Variants in ZC3HAV1 observed in about 807,000 individuals in gnomAD.
The protein encoded by ZC3HAV1 is zinc finger CCCH-type containing, antiviral 1, also known as zinc finger CCCH-type antiviral protein 1.
ZC3HAV1 carries 41 observed loss-of-function variants against 86.6 expected under a neutral mutation model. The observed-to-expected ratio is 0.47, with a 90% confidence interval of 0.37 to 0.61. The LOEUF is 0.61. ZC3HAV1 is among the 20% of genes least tolerant of loss of function. The probability of loss-of-function intolerance (pLI) is 0.00; values close to 1 mark genes in which losing one functional copy is unlikely to be tolerated. For missense variants in ZC3HAV1, 964 were observed against 1,141.1 expected (o/e 0.84, Z 2.24); for synonymous variants, 421 against 432.1 (o/e 0.97, Z 0.32).
intron 3 of ZC3HAV1, among the ~76,000 whole-genome samples, chr7:139,080,819 A>C (rs981684377): frequency 6.6e-6 from 1 of 152,314 alleles, no homozygotes; most frequent in Non-Finnish European, 1.5e-5. Context: ...CAAATCAGAG[A>C]AGATTTTCCA....
At chr7:139,082,150 A>AGCTACT (rs529335262) in intron 3 of ZC3HAV1, among the ~76,000 whole-genome samples, 2 of 152,120 alleles carry the variant, frequency 1.3e-5, no homozygotes, top group Non-Finnish European at 2.9e-5. Context: ...CTGTAATCCC[A>AGCTACT]GCTACTTGGG....
chr7:139,051,602 A>G (rs937143989), intron 12 of ZC3HAV1, among the ~76,000 whole-genome samples: 1 of 152,028 alleles, frequency 6.6e-6, no homozygotes, highest in African/African-American at 2.4e-5. Flanking sequence ...AATTAAAACA[A>G]AAAATTAGAT....
chr7:139,069,937 C>T (rs1816720559), intron 7 of ZC3HAV1, among the ~76,000 whole-genome samples: 1 of 152,142 alleles, frequency 6.6e-6, no homozygotes, highest in African/African-American at 2.4e-5. Flanking sequence ...TGGCTCAAGG[C>T]AGGTCACCAA....
intron 10 of ZC3HAV1, 32 bp downstream of exon 10, chr7:139,055,171 CAG>C: frequency 1.9e-6 from 3 of 1,567,042 alleles, no homozygotes; most frequent in Non-Finnish European, 2.6e-6. Flanking sequence ...TAACTTTTAA[CAG>C]ACTCATCCAC....
At position 139,047,489 on chromosome 7, in the gene ZC3HAV1, T is replaced by C; in HGVS notation, c.*105A>G. On this transcript the variant is annotated 3_prime_UTR_variant, in exon 13 of 13. Transcript: ENST00000242351. ...GGGACCACTGATCTAAGACATTAGATAACTGAGCAGGAAAATATAAAACTT... is the reference window on the plus strand; with the variant it reads ...GGGACCACTGATCTAAGACATTAGACAACTGAGCAGGAAAATATAAAACTT... 6.6e-7 allele frequency: 1 copy of C among 1,512,104 alleles called. No individual in the cohort carries two copies. The highest frequency in any genetic ancestry group is 9.0e-7 in the Non-Finnish European group (1 of 1,114,078). The allele number at this position is 1,512,104 out of a possible 1,614,324, so 93.7% of individuals were successfully genotyped here. A position where few individuals can be genotyped will look rare whatever the true frequency, so the allele number is the denominator to read the frequency against.
In ZC3HAV1 at chr7:139,109,313, A is replaced by G; in HGVS notation, c.19T>C (p.Cys7Arg). 6.2e-7 allele frequency: 1 copy of G among 1,601,382 alleles called. No homozygotes were observed. The highest frequency in any genetic ancestry group is 8.5e-7 in the Non-Finnish European group (1 of 1,173,680). Residue 7 changes from cysteine to arginine, a missense_variant, in exon 1 of 13, where the codon TGC (cysteine) becomes CGC (arginine). Cys to Arg is a radical substitution (Grantham distance 180). Coordinates refer to ENST00000242351, the MANE Select transcript of ZC3HAV1 (RefSeq NM_020119.4). Reference sequence around the variant, plus strand: ...CACAGGATTTTGGTGATGAAGCAGCACACCTCCGGGTCCGCCATGGCGCGC... The same window carrying G: ...CACAGGATTTTGGTGATGAAGCAGCGCACCTCCGGGTCCGCCATGGCGCGC... The part of the protein sequence containing the change: MADPEV[C>R]CFITKILCAH...
At chr7:139,069,045 T>G (rs1405866564) in intron 7 of ZC3HAV1, among the ~76,000 whole-genome samples, 1 of 152,202 alleles carries the variant, frequency 6.6e-6, no homozygotes, top group Non-Finnish European at 1.5e-5. Flanking sequence ...GCTACTCTTG[T>G]AAGGATAAGT....
intron 1 of ZC3HAV1, among the ~76,000 whole-genome samples, chr7:139,101,307 G>A (rs554909300): frequency 3.4e-5 from 5 of 145,486 alleles, no homozygotes; most frequent in African/African-American, 1.3e-4. Context: ...GCCGCCCATC[G>A]TCTGGGATGT....
Position 139,109,364 on chromosome 7 carries a change from C to A in ZC3HAV1, c.-33G>T. 6.5e-7 allele frequency: 1 copy of A among 1,529,104 alleles called. No homozygotes were observed. Among genetic ancestry groups the A allele is most frequent in the Non-Finnish European group, 8.8e-7 (1 of 1,139,516 alleles). The allele number at this position is 1,529,104 out of a possible 1,614,324, so 94.7% of individuals were successfully genotyped here. A position where few individuals can be genotyped will look rare whatever the true frequency, so the allele number is the denominator to read the frequency against. The stretch of plus-strand genomic sequence containing the variant: ...TGGCTGTGCTGGCTCTGCCGCGGCG[C>A]GGGACTCGGTTCCGCGGAAATCGGA... On this transcript the variant is annotated 5_prime_UTR_variant, in exon 1 of 13. Transcript: ENST00000242351.
intron 6 of ZC3HAV1, among the ~76,000 whole-genome samples, chr7:139,075,461 C>T (rs1406279092): frequency 6.6e-6 from 1 of 152,108 alleles, no homozygotes; most frequent in East Asian, 1.9e-4. Context: ...GAGACAGGGT[C>T]TCACTCTGTC....
intron 7 of ZC3HAV1, among the ~76,000 whole-genome samples, chr7:139,070,387 G>A (rs374645535): frequency 3.3e-5 from 5 of 152,078 alleles, no homozygotes; most frequent in East Asian, 1.9e-4. Flanking sequence ...TCAGGAGGCC[G>A]GGCGCAGTGG....
At chr7:139,098,921 A>C (rs1413749575) in intron 1 of ZC3HAV1, among the ~76,000 whole-genome samples, 1 of 152,190 alleles carries the variant, frequency 6.6e-6, no homozygotes, top group Non-Finnish European at 1.5e-5. Context: ...CCTGGTTTGG[A>C]AGTAAATACA....
intron 5 of ZC3HAV1, among the ~76,000 whole-genome samples, chr7:139,077,397 C>T (rs939403026): frequency 2.0e-5 from 3 of 152,178 alleles, no homozygotes; most frequent in African/African-American, 7.2e-5. Context: ...GCATGTGCCA[C>T]CACGCCCAGC....
intron 9 of ZC3HAV1, chr7:139,060,674 A>G: frequency 1.4e-5 from 1 of 69,974 alleles, no homozygotes; most frequent in Non-Finnish European, 2.4e-5. Flanking sequence ...GACCCCCTCT[A>G]AAAAAAAAAA....
At chr7:139,097,432 T>A (rs867197287) in intron 1 of ZC3HAV1, among the ~76,000 whole-genome samples, 1,053 of 94,018 alleles carry the variant, frequency 0.011, 4 homozygotes, top group African/African-American at 0.035. Context: ...ATATATATTT[T>A]TTTTTTTTTT....
chr7:139,046,507 A>G lies in ZC3HAV1; in HGVS notation c.*1087T>C, dbSNP rs1815957838. 6.6e-6 allele frequency: 1 copy of G among 152,232 alleles called. No individual in the cohort carries two copies. The highest frequency in any genetic ancestry group is 6.5e-5 in the Admixed American group (1 of 15,282). The allele number at this position is 152,232 out of a possible 1,614,324, so 9.4% of individuals were successfully genotyped here. On this transcript the variant is annotated 3_prime_UTR_variant, in exon 13 of 13. Coordinates refer to ENST00000242351, the MANE Select transcript of ZC3HAV1 (RefSeq NM_020119.4). ...CATATTAATTAGAACATAAATGTCT[A>G]CTTTGCCATAATTATACAAAGAGCC...
intron 1 of ZC3HAV1, among the ~76,000 whole-genome samples, chr7:139,091,686 G>A (rs1237946572): frequency 6.6e-6 from 1 of 151,898 alleles, no homozygotes; most frequent in Non-Finnish European, 1.5e-5. Context: ...GCACAATCAC[G>A]GCTCACTACA....
chr7:139,095,246 C>T (rs190462427), intron 1 of ZC3HAV1, among the ~76,000 whole-genome samples: 3 of 152,084 alleles, frequency 2.0e-5, no homozygotes, highest in Non-Finnish European at 4.4e-5. Flanking sequence ...TTTAAAGCCA[C>T]GAGGCTCCTA....
chr7:139,052,895 TG>T (rs1490134232), intron 12 of ZC3HAV1, among the ~76,000 whole-genome samples: 5 of 149,612 alleles, frequency 3.3e-5, no homozygotes, highest in Non-Finnish European at 5.9e-5. Context: ...TCACCCAAAC[TG>T]GGTGACAAAG....
Sources: gnomAD v4.1 joint callset for allele counts (sites outside exome capture counted in the v4.1 genomes callset) on GRCh38, gnomAD v4.1.1 for gene constraint, MANE v1.5 for transcripts, NCBI Gene and HGNC (gene_info 2026-07-23, HGNC 2026-07-21) for gene names.